The following UBAC2 variants were observed in gnomAD, a reference collection of about 807,000 sequenced individuals.
UBAC2 encodes UBA domain containing 2, also known as ubiquitin-associated domain-containing protein 2.
Under a neutral mutation model 44.0 loss-of-function variants are expected in UBAC2, and 26 were observed. The ratio of observed to expected loss-of-function variants is 0.59; its 90% confidence interval spans 0.43 to 0.82. The LOEUF is 0.82. Ranked by LOEUF, UBAC2 falls within the 40% of genes least tolerant of loss-of-function variation. The pLI is 0.00. For missense variants in UBAC2, 329 were observed against 419.4 expected (o/e 0.78, Z 1.88); for synonymous variants, 155 against 154.3 (o/e 1.00, Z -0.04).
intron 1 of UBAC2, among the ~76,000 whole-genome samples, chr13:99,208,937 A>C (rs2042907688): frequency 6.6e-6 from 1 of 151,806 alleles, no homozygotes; most frequent in African/African-American, 2.4e-5. Flanking sequence ...TATTTTGGTG[A>C]CTCCTCAGCA....
chr13:99,353,079 T>G (rs1362060705), intron 7 of UBAC2, among the ~76,000 whole-genome samples: 1 of 152,236 alleles, frequency 6.6e-6, no homozygotes, highest in Non-Finnish European at 1.5e-5. Flanking sequence ...AACGATTCTT[T>G]TCAAGTTGCT....
At chr13:99,335,378 G>GTT (rs71215516) in intron 6 of UBAC2, among the ~76,000 whole-genome samples, 1 of 146,218 alleles carries the variant, frequency 6.8e-6, no homozygotes, top group Non-Finnish European at 1.5e-5. Context: ...ATTCATTACT[G>GTT]TTTTTTTTTT....
chr13:99,251,714 T>A (rs147276678), intron 4 of UBAC2, among the ~76,000 whole-genome samples: 85 of 152,284 alleles, frequency 5.6e-4, no homozygotes, highest in African/African-American at 1.9e-3. Context: ...GCATGGTCTT[T>A]GCCATCAGAC....
rs190336226 is a variant in UBAC2, at chr13:99,299,678, A to G, written c.390-14419A>G. 7.4e-3 allele frequency among the ~76,000 whole-genome samples: 1,121 copies of G among 152,292 alleles called. 10 individuals carry two copies. Among genetic ancestry groups the G allele is most frequent in the South Asian group, 0.055 (266 of 4,826 alleles). On this transcript the variant is annotated intron_variant, in intron 4 of 8. Transcript: ENST00000403766. ...TCTTGTAAAAACCTTGTTATCTGAC[A>G]TGCTTTTCAAAGCTTGCTGTTCAGT...
intron 4 of UBAC2, among the ~76,000 whole-genome samples, chr13:99,297,688 A>G (rs2044196461): frequency 6.6e-6 from 1 of 152,130 alleles, no homozygotes; most frequent in Non-Finnish European, 1.5e-5. Flanking sequence ...AAAAGAGACA[A>G]TGGGAAAAAA....
chr13:99,241,045 C>G (rs1050911704), intron 2 of UBAC2, among the ~76,000 whole-genome samples: 1 of 152,158 alleles, frequency 6.6e-6, no homozygotes, highest in African/African-American at 2.4e-5. Flanking sequence ...GGATGGATTG[C>G]TTGAGCCCAG....
At chr13:99,243,028 T>A (rs1031381085) in intron 2 of UBAC2, among the ~76,000 whole-genome samples, 7 of 151,924 alleles carry the variant, frequency 4.6e-5, no homozygotes, top group African/African-American at 1.7e-4. Context: ...CTTTCCAGAC[T>A]GGGCAGCCAG....
intron 4 of UBAC2, among the ~76,000 whole-genome samples, chr13:99,265,800 C>G (rs936864138): frequency 6.6e-6 from 1 of 152,108 alleles, no homozygotes; most frequent in African/African-American, 2.4e-5. Flanking sequence ...GATACAATTA[C>G]AAAGACGTAC....
chr13:99,223,224 C>G (rs2142690727), intron 1 of UBAC2, among the ~76,000 whole-genome samples: 1 of 152,228 alleles, frequency 6.6e-6, no homozygotes, highest in East Asian at 1.9e-4. Flanking sequence ...ACTGTTTTAA[C>G]TATTTTTAAG....
intron 7 of UBAC2, among the ~76,000 whole-genome samples, chr13:99,358,271 G>T (rs2045216705): frequency 6.6e-6 from 1 of 152,174 alleles, no homozygotes; most frequent in Non-Finnish European, 1.5e-5. Context: ...AGGGGAGGAT[G>T]TCTGTAGTCA....
At chr13:99,353,406 T>C (rs2045126313) in intron 7 of UBAC2, among the ~76,000 whole-genome samples, 1 of 152,208 alleles carries the variant, frequency 6.6e-6, no homozygotes, top group South Asian at 2.1e-4. Flanking sequence ...GTGTGATCCT[T>C]TTCCAAGACT....
chr13:99,241,723 TAACTTTTTTTTTTTTTC>T (rs1367486162), intron 2 of UBAC2, among the ~76,000 whole-genome samples: 18 of 71,744 alleles, frequency 2.5e-4, no homozygotes, highest in African/African-American at 6.4e-4. Flanking sequence ...GTTAAAATTT[TAACTTTTTTTTTTTTTC>T]AACTTTTTTT....
At chr13:99,375,961 G>A (rs1280266077) in intron 8 of UBAC2, among the ~76,000 whole-genome samples, 1 of 140,768 alleles carries the variant, frequency 7.1e-6, no homozygotes, top group Admixed American at 7.2e-5. Flanking sequence ...ATGCCACCAA[G>A]CCCAGCTAAT....
At chr13:99,338,052 T>TTC (rs2044823276) in intron 6 of UBAC2, among the ~76,000 whole-genome samples, 4 of 59,646 alleles carry the variant, frequency 6.7e-5, no homozygotes, top group East Asian at 5.1e-4. Context: ...TTTTTCTTTT[T>TTC]TTTTTTTTTT....
intron 4 of UBAC2, among the ~76,000 whole-genome samples, 196 bp from the exon 5 acceptor site, chr13:99,313,901 T>C (rs1594117367): frequency 6.6e-6 from 1 of 152,334 alleles, no homozygotes; most frequent in African/African-American, 2.4e-5. Context: ...AAGGATAGAA[T>C]GATTAGAGTT....
At chr13:99,323,270 A>G (rs2044593515) in intron 6 of UBAC2, among the ~76,000 whole-genome samples, 1 of 152,118 alleles carries the variant, frequency 6.6e-6, no homozygotes, top group East Asian at 1.9e-4. Flanking sequence ...ATTATTTTCT[A>G]GTAGTTCATT....
chr13:99,212,399 GCTTT>G (rs1162964493), intron 1 of UBAC2, among the ~76,000 whole-genome samples: 1 of 152,068 alleles, frequency 6.6e-6, no homozygotes, highest in Non-Finnish European at 1.5e-5. Flanking sequence ...TTTCCCTAAG[GCTTT>G]CTAAGTTACA....
chr13:99,362,630 T>C lies in UBAC2; in HGVS notation c.808-5157T>C, dbSNP rs182654332. 4.2e-3 allele frequency among the ~76,000 whole-genome samples: 635 copies of C among 152,372 alleles called. 5 individuals are homozygous for C. The highest frequency in any genetic ancestry group is 0.014 in the African/African-American group (601 of 41,586). Reference sequence around the variant, plus strand: ...ATTGAATATCTTTTCATATGTTTCTTGACTTGGGATTTCCCCTTCTGTAAA... The same window carrying C: ...ATTGAATATCTTTTCATATGTTTCTCGACTTGGGATTTCCCCTTCTGTAAA... On this transcript the variant is annotated intron_variant, in intron 7 of 8. Transcript: ENST00000403766.
intron 7 of UBAC2, chr13:99,356,301 T>C (rs1482248445): frequency 4.3e-6 from 2 of 469,790 alleles, no homozygotes; most frequent in Non-Finnish European, 4.7e-6. Flanking sequence ...CTGCATGGAA[T>C]GCACAGGCAA....
Sources: allele counts gnomAD v4.1 joint callset (sites outside exome capture counted in the v4.1 genomes callset), GRCh38; gene constraint gnomAD v4.1.1; transcripts MANE v1.5; gene names NCBI Gene and HGNC (gene_info 2026-07-23, HGNC 2026-07-21).